Variants in PCDHGB2 observed in about 807,000 individuals in gnomAD.
PCDHGB2 encodes the protein protocadherin gamma-B2.
In PCDHGB2, 55 loss-of-function variants were observed where a neutral mutation model predicts 59.3. The ratio of observed to expected loss-of-function variants is 0.93; its 90% CI spans 0.75 to 1.16. The LOEUF is 1.16. PCDHGB2 is among the 50% of genes most tolerant of loss of function. The pLI is 0.00. For synonymous variants in PCDHGB2, 516 were observed against 512.0 expected (o/e 1.01, Z -0.11); for missense variants, 1,228 against 1,198.5 (o/e 1.02, Z -0.36).
chr5:141,489,238 G>A lies in PCDHGB2; in HGVS notation c.2422-5569G>A. On this transcript the variant is annotated intron_variant, in intron 1 of 3. Coordinates refer to ENST00000522605, the MANE Select transcript of PCDHGB2 (RefSeq NM_018923.3). The surrounding 1 kb of genome is among the most constrained non-coding windows in gnomAD (Gnocchi z 4.5). ...TTACTCTCCACAAAGGGACTTCTGG[G>A]TCATGGGGCCCAAGACACTCCCACA... 6.5e-7 allele frequency: 1 copy of A among 1,534,146 alleles called. No homozygotes were observed.
At chr5:141,387,566 T>C in intron 1 of PCDHGB2, 1 of 445,866 alleles carries the variant, frequency 2.2e-6, no homozygotes, top group Non-Finnish European at 4.0e-6. Context: ...GGCACACAAT[T>C]ATAATTATTG....
At chr5:141,467,495 C>T (rs1161557245) in intron 1 of PCDHGB2, among the ~76,000 whole-genome samples, 1 of 152,140 alleles carries the variant, frequency 6.6e-6, no homozygotes, top group Non-Finnish European at 1.5e-5. Context: ...ATTTAGATCC[C>T]TGATCTAATT....
intron 1 of PCDHGB2, 79 bp from the exon 2 acceptor site, chr5:141,494,728 C>T (rs2099756337): frequency 1.2e-6 from 2 of 1,609,984 alleles, no homozygotes; most frequent in Admixed American, 3.3e-5. Context: ...TCCTTCTCTC[C>T]CGGCCCATCC....
At chr5:141,420,240 C>G (rs752339982) in intron 1 of PCDHGB2, 3 of 1,593,140 alleles carry the variant, frequency 1.9e-6, no homozygotes, top group Non-Finnish European at 2.6e-6. Context: ...ATTTTAACTC[C>G]CAGCGTTGAA....
At chr5:141,502,499 C>A (rs552402476) in intron 2 of PCDHGB2, among the ~76,000 whole-genome samples, 12 of 152,122 alleles carry the variant, frequency 7.9e-5, no homozygotes, top group Non-Finnish European at 2.9e-5. Flanking sequence ...CATCTAACGT[C>A]GGCCTGTCCC....
chr5:141,457,694 C>T (rs891323419), intron 1 of PCDHGB2, among the ~76,000 whole-genome samples: 4 of 152,214 alleles, frequency 2.6e-5, no homozygotes, highest in Non-Finnish European at 5.9e-5. Context: ...TTTGGATTGG[C>T]TTTGATGAAA....
chr5:141,365,012 A>G (rs1309716907), intron 1 of PCDHGB2: 2 of 1,613,794 alleles, frequency 1.2e-6, no homozygotes, highest in African/African-American at 2.7e-5. Context: ...CACCACGCAC[A>G]TCCGTGTTAC....
chr5:141,408,855 G>T, intron 1 of PCDHGB2: 1 of 1,613,572 alleles, frequency 6.2e-7, no homozygotes, highest in Non-Finnish European at 8.5e-7. Context: ...TTGGACGGAG[G>T]GGACCCACCA....
At chr5:141,369,314 T>C (rs1414185068) in intron 1 of PCDHGB2, among the ~76,000 whole-genome samples, 1 of 152,134 alleles carries the variant, frequency 6.6e-6, no homozygotes, top group Non-Finnish European at 1.5e-5. Flanking sequence ...TTAGGCTACT[T>C]GAGAAGAAAC....
At chr5:141,460,569 T>C (rs1234392082) in intron 1 of PCDHGB2, among the ~76,000 whole-genome samples, 2 of 152,100 alleles carry the variant, frequency 1.3e-5, no homozygotes, top group Admixed American at 1.3e-4. Context: ...GCCATGGACA[T>C]ATGTAGGTGT....
In PCDHGB2 at chr5:141,491,257, G is replaced by A. The variant is rs754721047; in HGVS notation, c.2422-3550G>A. 2 of 1,614,170 alleles carry A rather than the reference G, an allele frequency of 1.2e-6. No individual in the cohort carries two copies. The highest frequency in any genetic ancestry group is 3.3e-5 in the Admixed American group (2 of 60,020). On this transcript the variant is annotated intron_variant, in intron 1 of 3. Coordinates refer to ENST00000522605, the MANE Select transcript of PCDHGB2 (RefSeq NM_018923.3). This position sits in a 1 kb window ranked among gnomAD's most constrained non-coding sequence, Gnocchi z 6.9. ...GGTTCTGGAGGATGAGGACCCTGAG[G>A]AAATGCCCAAATCCAGTGACTTCCT... is the stretch of plus-strand genomic sequence containing the variant.
At position 141,494,885 on chromosome 5, in the gene PCDHGB2, G is replaced by T; in HGVS notation, c.2480+20G>T. The T allele has an allele frequency of 6.8e-6, 11 of 1,614,082 alleles. No homozygotes were observed. The highest frequency in any genetic ancestry group is 8.5e-6 in the Non-Finnish European group (10 of 1,179,992). Reference sequence around the variant, plus strand: ...CAGCGGGTAGGTGACTGATTCTCCAGCCCACCCTCTTCTCTGCGGCATTTT... The same window carrying T: ...CAGCGGGTAGGTGACTGATTCTCCATCCCACCCTCTTCTCTGCGGCATTTT... On this transcript the variant is annotated intron_variant, in intron 2 of 3. Transcript: ENST00000522605.
intron 1 of PCDHGB2, chr5:141,394,441 G>A (rs1161641966): frequency 6.2e-7 from 1 of 1,614,236 alleles, no homozygotes; most frequent in Admixed American, 1.7e-5. Flanking sequence ...CCGCCCCTCA[G>A]CAGCAACATG....
chr5:141,492,492 G>A (rs896538392), intron 1 of PCDHGB2, among the ~76,000 whole-genome samples: 2 of 152,206 alleles, frequency 1.3e-5, no homozygotes, highest in African/African-American at 2.4e-5. Context: ...AGGACCAGGC[G>A]AGGACTCCGG....
intron 1 of PCDHGB2, among the ~76,000 whole-genome samples, chr5:141,447,535 G>T (rs1366016262): frequency 3.3e-5 from 5 of 152,162 alleles, no homozygotes; most frequent in Admixed American, 6.5e-5. Flanking sequence ...AAATTGTTGG[G>T]TTTTAATGTT....
intron 1 of PCDHGB2, chr5:141,428,329 A>G (rs928788851): frequency 4.8e-6 from 3 of 627,180 alleles, no homozygotes; most frequent in South Asian, 3.5e-5. Context: ...CTTGATTTCT[A>G]TGCTCTTCTT....
chr5:141,362,685 C>T, intron 1 of PCDHGB2, 129 bp downstream of exon 1: 1 of 1,139,308 alleles, frequency 8.8e-7, no homozygotes, highest in East Asian at 2.6e-5. Context: ...TTGTCTTAAT[C>T]TTATCTAACT....
At chr5:141,461,603 G>A (rs1413122199) in intron 1 of PCDHGB2, among the ~76,000 whole-genome samples, 8 of 152,092 alleles carry the variant, frequency 5.3e-5, no homozygotes, top group African/African-American at 1.9e-4. Context: ...TTATAATTTA[G>A]TTCAAAGTAT....
chr5:141,374,510 C>A, intron 1 of PCDHGB2: 1 of 1,611,824 alleles, frequency 6.2e-7, no homozygotes, highest in Non-Finnish European at 8.5e-7. Flanking sequence ...AGTGAAAATT[C>A]TCGAAAACGC....
Sources: gnomAD v4.1 joint callset for allele counts (sites outside exome capture counted in the v4.1 genomes callset) on GRCh38, gnomAD v4.1.1 for gene constraint, Gnocchi (gnomAD v3.1) non-coding constraint, MANE v1.5 for transcripts, NCBI Gene and HGNC (gene_info 2026-07-23, HGNC 2026-07-21) for gene names.